KIAA1217: variants seen among roughly 807,000 people sequenced by gnomAD.
The protein encoded by KIAA1217 is sickle tail protein homolog.
In KIAA1217, 88 loss-of-function variants were observed where a neutral mutation model predicts 163.9. The observed-to-expected ratio is 0.54, with a 90% CI of 0.45 to 0.64. The LOEUF (loss-of-function observed/expected upper bound fraction) is 0.64, where lower values mean the gene tolerates loss of function less well. Among genes scored for constraint, KIAA1217 ranks in the 30% least tolerant of loss-of-function variants. The pLI, the probability that KIAA1217 is intolerant of heterozygous loss-of-function variation, is 0.00. For missense variants in KIAA1217, 2,372 were observed against 2,475.0 expected, an observed-to-expected ratio of 0.96 and a Z score of 0.88; for synonymous variants, 903 against 923.1, an observed-to-expected ratio of 0.98 and a Z score of 0.39.
chr10:24,504,075 C>G (rs7903961), intron 9 of KIAA1217, among the ~76,000 whole-genome samples: 45,780 of 152,004 alleles, frequency 0.3, 7,199 homozygotes, highest in Middle Eastern at 0.4. Context: ...CAGTGGCTGG[C>G]GTAGTTTGGT....
intron 2 of KIAA1217, among the ~76,000 whole-genome samples, chr10:24,176,492 C>G (rs1279545279): frequency 6.6e-6 from 1 of 151,966 alleles, no homozygotes; most frequent in Non-Finnish European, 1.5e-5. Flanking sequence ...ATTAGCTAGA[C>G]ACAGAGCACT....
intron 1 of KIAA1217, among the ~76,000 whole-genome samples, chr10:23,815,715 A>C (rs932661452): frequency 6.6e-6 from 1 of 152,204 alleles, no homozygotes; most frequent in African/African-American, 2.4e-5. Flanking sequence ...ATTTATCCCC[A>C]CAATGCAAAG....
intron 2 of KIAA1217, among the ~76,000 whole-genome samples, chr10:24,028,473 G>A (rs1025196674): frequency 6.6e-6 from 1 of 151,886 alleles, no homozygotes; most frequent in Non-Finnish European, 1.5e-5. Flanking sequence ...CATTTATGTC[G>A]ACTTTTTCAA....
chr10:24,428,926 C>G lies in KIAA1217; in HGVS notation c.554-4069C>G, dbSNP rs1338188867. Among the ~76,000 whole-genome samples, 5 of 150,500 alleles carry G rather than the reference C, an allele frequency of 3.3e-5. No homozygotes were observed. The East Asian group carries it at 9.7e-4, about 29-fold the overall frequency. On this transcript the variant is annotated intron_variant, in intron 3 of 20. Coordinates refer to ENST00000376454, the MANE Select transcript of KIAA1217 (RefSeq NM_019590.5). ...GTTAGCAAGAGAAACTGATCATAAG[C>G]AATATCACTAATTAAAATATGAATT... is the stretch of plus-strand genomic sequence containing the variant.
At chr10:24,192,760 A>G (rs2066786194) in intron 2 of KIAA1217, among the ~76,000 whole-genome samples, 3 of 152,204 alleles carry the variant, frequency 2.0e-5, no homozygotes, top group African/African-American at 7.2e-5. Context: ...GACCTTGGGA[A>G]GATTATGTTA....
At chr10:23,718,847 AGG>A (rs1246909812) in intron 1 of KIAA1217, among the ~76,000 whole-genome samples, 2,991 of 135,864 alleles carry the variant, frequency 0.022, 121 homozygotes, top group African/African-American at 0.075. Flanking sequence ...GGAGGGAGGG[AGG>A]GGGAGAGAGA....
intron 1 of KIAA1217, among the ~76,000 whole-genome samples, chr10:23,915,321 T>C (rs944934604): frequency 6.6e-6 from 1 of 152,020 alleles, no homozygotes; most frequent in Non-Finnish European, 1.5e-5. Flanking sequence ...GAGATGTAGA[T>C]GGGAAAACAA....
rs1446899144 is a variant in KIAA1217, at chr10:24,489,885, AG to A, written c.1680-4613del. On this transcript the variant is annotated intron_variant, in intron 6 of 20. Transcript: ENST00000376454. The stretch of plus-strand genomic sequence containing the variant: ...CAAAAAAAAAAAAAAAAAAAAAAAA[AG>A]GTTCTATAAATGGAGTCATTGGCTA... Among the ~76,000 whole-genome samples, 269 of 138,040 alleles carry A rather than the reference AG, an allele frequency of 1.9e-3. 1 individual carries two copies. Among genetic ancestry groups the A allele is most frequent in the Middle Eastern group, 7.6e-3 (2 of 264 alleles). The allele number at this position is 138,040 out of a possible 152,430, so 90.6% of individuals were successfully genotyped here.
At chr10:23,891,223 T>C (rs533589089) in intron 1 of KIAA1217, among the ~76,000 whole-genome samples, 1 of 152,152 alleles carries the variant, frequency 6.6e-6, no homozygotes, top group South Asian at 2.1e-4. Flanking sequence ...TTCAGTCTGT[T>C]TACACTTAAT....
intron 1 of KIAA1217, chr10:24,007,204 A>C (rs940856501): frequency 6.6e-6 from 1 of 150,482 alleles, no homozygotes; most frequent in African/African-American, 2.5e-5. Flanking sequence ...GAACAATTCC[A>C]TTATGACTTG....
At chr10:23,882,036 T>G (rs1840970904) in intron 1 of KIAA1217, among the ~76,000 whole-genome samples, 1 of 99,900 alleles carries the variant, frequency 1.0e-5, no homozygotes, top group African/African-American at 3.8e-5. Context: ...ATAGAGTGTC[T>G]CTTTCTTGTC....
At chr10:24,279,262 G>A (rs1369600286) in intron 2 of KIAA1217, among the ~76,000 whole-genome samples, 1 of 22,110 alleles carries the variant, frequency 4.5e-5, no homozygotes, top group Non-Finnish European at 8.9e-5. Flanking sequence ...GGTGGTGGTG[G>A]TGTTTTTGTT....
intron 5 of KIAA1217, among the ~76,000 whole-genome samples, chr10:24,445,730 A>G (rs1592003319): frequency 6.6e-6 from 1 of 151,938 alleles, no homozygotes; most frequent in South Asian, 2.1e-4. Flanking sequence ...TTATGGCTGC[A>G]TAGTATTCCA....
At chr10:23,881,836 A>G (rs780840437) in intron 1 of KIAA1217, among the ~76,000 whole-genome samples, 3 of 151,798 alleles carry the variant, frequency 2.0e-5, no homozygotes, top group Non-Finnish European at 2.9e-5. Context: ...CAGCTGCCCC[A>G]TCCCCCATAC....
chr10:23,870,197 C>T (rs1455913227), intron 1 of KIAA1217, among the ~76,000 whole-genome samples: 1 of 152,052 alleles, frequency 6.6e-6, no homozygotes, highest in African/African-American at 2.4e-5. Flanking sequence ...TATGCAGGAA[C>T]ACGTGAGGAT....
At chr10:23,742,946 T>C (rs1027331538) in intron 1 of KIAA1217, among the ~76,000 whole-genome samples, 2 of 152,102 alleles carry the variant, frequency 1.3e-5, no homozygotes, top group African/African-American at 4.8e-5. Context: ...ACAGTCCCTT[T>C]GCTGTGCCAA....
At chr10:24,451,276 AC>A (rs1357084470) in intron 5 of KIAA1217, among the ~76,000 whole-genome samples, 1 of 152,130 alleles carries the variant, frequency 6.6e-6, no homozygotes. Context: ...TTGAATGGAG[AC>A]TGGCTAACTG....
chr10:23,841,130 C>A (rs144441552), intron 1 of KIAA1217, among the ~76,000 whole-genome samples: 11 of 152,252 alleles, frequency 7.2e-5, no homozygotes, highest in African/African-American at 2.6e-4. Flanking sequence ...ATGGTAAGCA[C>A]TATATATGTG....
At chr10:23,748,461 C>CAAGGAAGG (rs763422691) in intron 1 of KIAA1217, among the ~76,000 whole-genome samples, 3,152 of 133,566 alleles carry the variant, frequency 0.024, 149 homozygotes, top group African/African-American at 0.09. Flanking sequence ...AGGAAGGAAG[C>CAAGGAAGG]AAGGAAGGAA....
Sources: allele counts gnomAD v4.1 joint callset (sites outside exome capture counted in the v4.1 genomes callset), GRCh38; gene constraint gnomAD v4.1.1; transcripts MANE v1.5; gene names NCBI Gene and HGNC (gene_info 2026-07-23, HGNC 2026-07-21).